Variants in PDE4D observed in about 807,000 individuals in gnomAD.
The protein encoded by PDE4D is phosphodiesterase 4D.
In PDE4D, 24 loss-of-function variants were observed where a neutral mutation model predicts 87.4. The ratio of observed to expected loss-of-function variants is 0.27; its 90% CI spans 0.20 to 0.39. The LOEUF is 0.39. Ranked by LOEUF, PDE4D falls within the 10% of genes least tolerant of loss-of-function variation. The pLI, the probability that PDE4D is intolerant of heterozygous loss-of-function variation, is 1.00. For synonymous variants in PDE4D, 384 were observed against 383.2 expected, an observed-to-expected ratio of 1.00 and a Z score of -0.02; for missense variants, 714 against 1,041.0, an observed-to-expected ratio of 0.69 and a Z score of 4.32.
At chr5:60,487,229 A>T (rs1420808302) in intron 1 of PDE4D, among the ~76,000 whole-genome samples, 1 of 152,146 alleles carries the variant, frequency 6.6e-6, no homozygotes, top group Non-Finnish European at 1.5e-5. Flanking sequence ...GCTTAATTTG[A>T]TCTGCTCCAA....
At chr5:59,116,518 T>G (rs1773639887) in intron 5 of PDE4D, among the ~76,000 whole-genome samples, 1 of 152,152 alleles carries the variant, frequency 6.6e-6, no homozygotes, top group Non-Finnish European at 1.5e-5. Context: ...AGAGTGCTTT[T>G]AAAAATCAGC....
intron 1 of PDE4D, among the ~76,000 whole-genome samples, chr5:59,854,729 A>G (rs1197315616): frequency 6.6e-6 from 1 of 152,108 alleles, no homozygotes; most frequent in Non-Finnish European, 1.5e-5. Flanking sequence ...CACAATTAAT[A>G]CAGTCACCCT....
At chr5:60,363,357 C>T (rs906661953) in intron 1 of PDE4D, among the ~76,000 whole-genome samples, 2 of 152,134 alleles carry the variant, frequency 1.3e-5, no homozygotes, top group Non-Finnish European at 2.9e-5. Flanking sequence ...CCTCACTACC[C>T]TCGAACCCTA....
intron 1 of PDE4D, among the ~76,000 whole-genome samples, chr5:60,320,516 T>A (rs1756148693): frequency 6.6e-6 from 1 of 152,140 alleles, no homozygotes; most frequent in Non-Finnish European, 1.5e-5. Flanking sequence ...CACTCCCCAG[T>A]GAGATGAACC....
chr5:59,927,457 A>C (rs907838905), intron 3 of PDE4D, among the ~76,000 whole-genome samples: 1 of 152,224 alleles, frequency 6.6e-6, no homozygotes, highest in African/African-American at 2.4e-5. Context: ...ACCCATGTGG[A>C]TATATTTGCA....
intron 5 of PDE4D, among the ~76,000 whole-genome samples, chr5:59,056,110 T>A (rs1762313790): frequency 6.6e-6 from 1 of 152,146 alleles, no homozygotes; most frequent in South Asian, 2.1e-4. Flanking sequence ...ACCTGGTAGT[T>A]CATGATCAGA....
In PDE4D at chr5:60,285,460, A is replaced by G. The variant is rs902983705; in HGVS notation, c.-89-99773T>C. Among the ~76,000 whole-genome samples, 4 of 152,176 alleles carry G rather than the reference A, an allele frequency of 2.6e-5. No homozygotes were observed. The East Asian group carries it at 7.7e-4, about 29-fold the overall frequency. On this transcript the variant is annotated intron_variant, in intron 1 of 16. Coordinates refer to the PDE4D transcript ENST00000502484. ...AGTCCTGATTATTTAGAAAAGAACA[A>G]ACAAAAAAAAAACCTGCCTAATGCT...
At chr5:59,509,151 A>G (rs1200217090) in intron 1 of PDE4D, among the ~76,000 whole-genome samples, 1 of 152,028 alleles carries the variant, frequency 6.6e-6, no homozygotes, top group Non-Finnish European at 1.5e-5. Flanking sequence ...CAACAAAGAT[A>G]AAAATAAGAA....
intron 1 of PDE4D, among the ~76,000 whole-genome samples, chr5:59,676,692 T>C (rs759121324): frequency 2.6e-5 from 4 of 152,204 alleles, no homozygotes; most frequent in Admixed American, 6.5e-5. Context: ...TACATAATAA[T>C]TGTACGTAGG....
At chr5:59,525,360 G>A (rs947401999) in intron 1 of PDE4D, among the ~76,000 whole-genome samples, 3 of 152,210 alleles carry the variant, frequency 2.0e-5, no homozygotes, top group African/African-American at 7.2e-5. Context: ...GACTTGCATG[G>A]GGCCTGTTGC....
intron 5 of PDE4D, among the ~76,000 whole-genome samples, chr5:59,152,946 A>T (rs1193776396): frequency 6.6e-6 from 1 of 152,174 alleles, no homozygotes; most frequent in African/African-American, 2.4e-5. Flanking sequence ...TCCTCTCAAG[A>T]AAAGGAAAGT....
intron 1 of PDE4D, among the ~76,000 whole-genome samples, chr5:60,452,176 C>G (rs372004215): frequency 1.3e-5 from 2 of 152,022 alleles, no homozygotes; most frequent in African/African-American, 4.8e-5. Context: ...TACACAGCCC[C>G]TGGAATTTTG....
chr5:59,895,899 C>A (rs890301985), upstream of PDE4D, among the ~76,000 whole-genome samples: 1 of 152,080 alleles, frequency 6.6e-6, no homozygotes, highest in Non-Finnish European at 1.5e-5. Flanking sequence ...AAAACTTTAT[C>A]TTTTATATAT....
At chr5:60,197,118 T>C (rs145158608) in intron 1 of PDE4D, among the ~76,000 whole-genome samples, 9 of 150,134 alleles carry the variant, frequency 6.0e-5, no homozygotes, top group African/African-American at 2.0e-4. Context: ...GATAGATAGA[T>C]AGATAGATTA....
chr5:60,128,147 T>A (rs913365163), intron 2 of PDE4D, among the ~76,000 whole-genome samples: 2 of 152,184 alleles, frequency 1.3e-5, no homozygotes, highest in Admixed American at 6.5e-5. Flanking sequence ...GAGATTGGGA[T>A]AACTTATCCA....
chr5:59,608,117 T>C (rs767252944), intron 1 of PDE4D, among the ~76,000 whole-genome samples: 8 of 152,140 alleles, frequency 5.3e-5, no homozygotes, highest in Admixed American at 1.3e-4. Context: ...TCCCTCCAAA[T>C]AGGAACTGTG....
At chr5:59,348,749 A>G (rs1029150139) in intron 1 of PDE4D, among the ~76,000 whole-genome samples, 6 of 148,608 alleles carry the variant, frequency 4.0e-5, no homozygotes, top group African/African-American at 1.5e-4. Context: ...TTTCCTCTTT[A>G]TCATTTTAGT....
chr5:59,879,303 T>C (rs1387985199), intron 1 of PDE4D, among the ~76,000 whole-genome samples: 2 of 152,238 alleles, frequency 1.3e-5, no homozygotes, highest in East Asian at 3.8e-4. Flanking sequence ...AAGGAATCTT[T>C]AGCAAAGCCT....
In PDE4D at chr5:60,208,118, G is replaced by C. The variant is rs192916486; in HGVS notation, c.-89-22431C>G. Among the ~76,000 whole-genome samples the C allele has an allele frequency of 5.1e-3, 777 of 152,304 alleles. 6 individuals carry two copies. Among genetic ancestry groups the C allele is most frequent in the African/African-American group, 0.018 (732 of 41,564 alleles). ...ATTCATTTACCTTATATTCTACAGA[G>C]GGAGGACAGATACTAAGTTAATAAG... On this transcript the variant is annotated intron_variant, in intron 1 of 16. Coordinates refer to the PDE4D transcript ENST00000502484.
Sources: gnomAD v4.1 joint callset for allele counts (sites outside exome capture counted in the v4.1 genomes callset) on GRCh38, gnomAD v4.1.1 for gene constraint, MANE v1.5 for transcripts, NCBI Gene and HGNC (gene_info 2026-07-23, HGNC 2026-07-21) for gene names.